Variants in LIN9 observed in about 807,000 individuals in gnomAD.
The protein encoded by LIN9 is lin-9 DREAM MuvB core complex component.
A neutral mutation model predicts 78.0 loss-of-function variants in LIN9; 18 were observed. The ratio of observed to expected loss-of-function variants is 0.23; its 90% CI spans 0.16 to 0.34. LIN9 has a LOEUF of 0.34. Among genes scored for constraint, LIN9 ranks in the 10% least tolerant of loss-of-function variants. The pLI is 1.00. For missense variants in LIN9, 451 were observed against 644.1 expected (o/e 0.70, Z 3.25); for synonymous variants, 192 against 215.2 (o/e 0.89, Z 0.94).
At chr1:226,295,635 T>C (rs1366463404) in intron 4 of LIN9, among the ~76,000 whole-genome samples, 1 of 152,146 alleles carries the variant, frequency 6.6e-6, no homozygotes, top group Non-Finnish European at 1.5e-5. Flanking sequence ...AAGTGTGCAT[T>C]TGTAGGACTA....
chr1:226,260,628 G>GTTTTTTTTTTTTTT (rs559460640), intron 10 of LIN9, among the ~76,000 whole-genome samples: 2 of 73,438 alleles, frequency 2.7e-5, no homozygotes, highest in East Asian at 4.2e-4. Context: ...GGCCAAATGA[G>GTTTTTTTTTTTTTT]TTTTTTTTTT....
intron 10 of LIN9, among the ~76,000 whole-genome samples, chr1:226,254,771 C>A (rs1659075599): frequency 6.6e-6 from 1 of 151,764 alleles, no homozygotes; most frequent in Non-Finnish European, 1.5e-5. Flanking sequence ...ATTAGCCGGG[C>A]GTAGTGGAGG....
chr1:226,233,217 T>C (rs1241742869), intron 13 of LIN9, 24 bp from the exon 14 acceptor site: 2 of 1,554,844 alleles, frequency 1.3e-6, no homozygotes, highest in Non-Finnish European at 1.8e-6. Flanking sequence ...AATTTCAAAA[T>C]TTAATTGCAT....
rs1486620797 is a variant in LIN9 at position 226,277,946 on chromosome 1, T to A, written c.525-14A>T. 6.3e-7 allele frequency: 1 copy of A among 1,592,668 alleles called. No individual in the cohort carries two copies. The highest frequency in any genetic ancestry group is 1.7e-5 in the Admixed American group (1 of 57,490). On this transcript the variant is annotated splice_polypyrimidine_tract_variant and intron_variant, in intron 6 of 14. Coordinates refer to ENST00000681046, the MANE Select transcript of LIN9 (RefSeq NM_001366245.2). Reference sequence around the variant, plus strand: ...GCAGAAGAACATCTAGAATAAATTATAAAAAACATACAAACTGATAACTAC... The same window carrying A: ...GCAGAAGAACATCTAGAATAAATTAAAAAAAACATACAAACTGATAACTAC...
chr1:226,308,458 C>CT (rs1430553514), intron 1 of LIN9, among the ~76,000 whole-genome samples: 1 of 152,156 alleles, frequency 6.6e-6, no homozygotes, highest in Admixed American at 6.5e-5. Context: ...TACCTGAACA[C>CT]TGAGTATCCG....
At chr1:226,286,663 G>C (rs1334446132) in intron 5 of LIN9, among the ~76,000 whole-genome samples, 1 of 152,178 alleles carries the variant, frequency 6.6e-6, no homozygotes, top group Non-Finnish European at 1.5e-5. Context: ...TATTTGTGTT[G>C]TGATTCCAAG....
At chr1:226,261,781 A>G (rs1459933019) in intron 10 of LIN9, among the ~76,000 whole-genome samples, 1 of 152,246 alleles carries the variant, frequency 6.6e-6, no homozygotes, top group Non-Finnish European at 1.5e-5. Flanking sequence ...TCTAAAGTCT[A>G]TATTGAAAGG....
intron 11 of LIN9, among the ~76,000 whole-genome samples, chr1:226,241,084 A>C (rs1415909900): frequency 6.6e-6 from 1 of 152,174 alleles, no homozygotes; most frequent in Non-Finnish European, 1.5e-5. Context: ...GGAGTAGGGA[A>C]GGGATAATTT....
chr1:226,282,097 G>GT (rs1661102916), intron 6 of LIN9, among the ~76,000 whole-genome samples: 1 of 152,106 alleles, frequency 6.6e-6, no homozygotes, highest in South Asian at 2.1e-4. Flanking sequence ...GCACTGTTGT[G>GT]TATTTTGCTT....
chr1:226,246,828 A>T (rs1183777285), intron 11 of LIN9, among the ~76,000 whole-genome samples: 1 of 151,804 alleles, frequency 6.6e-6, no homozygotes, highest in Non-Finnish European at 1.5e-5. Flanking sequence ...ATGTGTCTAA[A>T]AGTCACTATC....
chr1:226,281,096 A>G (rs1661021879), intron 6 of LIN9, among the ~76,000 whole-genome samples: 2 of 152,250 alleles, frequency 1.3e-5, no homozygotes, highest in Non-Finnish European at 2.9e-5. Flanking sequence ...ACAAAATATA[A>G]TGAAATCCTG....
chr1:226,278,801 G>A (rs1660830900), intron 6 of LIN9, among the ~76,000 whole-genome samples: 1 of 138,366 alleles, frequency 7.2e-6, no homozygotes, highest in Non-Finnish European at 1.5e-5. Flanking sequence ...TCCAGCCTGG[G>A]TGACAGAGTA....
intron 7 of LIN9, among the ~76,000 whole-genome samples, chr1:226,274,827 C>A (rs1660534613): frequency 6.6e-6 from 1 of 151,836 alleles, no homozygotes; most frequent in Non-Finnish European, 1.5e-5. Context: ...AATTCATTTT[C>A]TTTATCTGAA....
chr1:226,250,923 C>T lies in LIN9; in HGVS notation c.1039-4G>A, dbSNP rs371284594. The T allele has an allele frequency of 2.9e-5, 40 of 1,391,782 alleles. No homozygotes were observed. The highest frequency in any genetic ancestry group is 8.6e-5 in the African/African-American group (6 of 69,450). The allele number at this position is 1,391,782 out of a possible 1,614,324, so 86.2% of individuals were successfully genotyped here. A position where few individuals can be genotyped will look rare whatever the true frequency, so the allele number is the denominator to read the frequency against. On this transcript the variant is annotated splice_region_variant and splice_polypyrimidine_tract_variant and intron_variant, in intron 10 of 14. Coordinates refer to ENST00000681046, the MANE Select transcript of LIN9 (RefSeq NM_001366245.2). ...TGAGAATTTTTGATAATCTGGTCTA[C>T]AGACAAAGAAGAAATATTTTAGAAT...
chr1:226,267,586 G>A (rs1352845647), intron 8 of LIN9, among the ~76,000 whole-genome samples: 2 of 152,000 alleles, frequency 1.3e-5, no homozygotes, highest in Admixed American at 1.3e-4. Context: ...TAAAACAGGA[G>A]AACAAATAAG....
At chr1:226,261,402 A>C (rs969093698) in intron 10 of LIN9, among the ~76,000 whole-genome samples, 1 of 152,162 alleles carries the variant, frequency 6.6e-6, no homozygotes, top group African/African-American at 2.4e-5. Context: ...AATGAGAAAA[A>C]AAAAAAATCC....
rs758668175 is a variant in LIN9 at position 226,295,897 on chromosome 1, C to T, written c.209G>A (p.Arg70Lys). ...TTTAGGTGACCTTGTATTTATTTGC[C>T]TATCATCTTCATCAGAAAAAAGTCG... ...RSRLFSDEDD[R>K]QINTRSPKRN... The change falls in exon 4 of 15, where the codon AGG (arginine) becomes AAG (lysine). Residue 70 changes from arginine (R) to lysine (K), a missense_variant. Physicochemically the swap from Arg to Lys is conservative, Grantham distance 26. Coordinates refer to ENST00000681046, the MANE Select transcript of LIN9 (RefSeq NM_001366245.2). 16 of 1,613,472 alleles carry T rather than the reference C, an allele frequency of 9.9e-6. No homozygotes were observed. Among genetic ancestry groups the T allele is most frequent in the African/African-American group, 1.3e-5 (1 of 75,010 alleles).
intron 12 of LIN9, among the ~76,000 whole-genome samples, chr1:226,234,866 T>G (rs1657580653): frequency 6.6e-6 from 1 of 150,904 alleles, no homozygotes; most frequent in African/African-American, 2.4e-5. Flanking sequence ...TCTTCAACAG[T>G]GAGAAACCTG....
Position 226,309,126 on chromosome 1 carries a change from T to C in LIN9, c.14A>G (p.Asp5Gly), listed in dbSNP as rs1663121624. The change falls in exon 1 of 15, where the codon GAC becomes GGC. Residue 5 changes from aspartate (D) to glycine (G), a missense_variant. Physicochemically the swap from Asp to Gly is moderately conservative, Grantham distance 94. Coordinates refer to ENST00000681046, the MANE Select transcript of LIN9 (RefSeq NM_001366245.2). MAEL[D>G]QLPDESSSAK... ...CTACTCACTCTCGTCAGGCAACTGG[T>C]CGAGCTCCGCCATCTTGAACGAGCC... The C allele has an allele frequency of 3.7e-6, 5 of 1,343,890 alleles. No homozygotes were observed. Among genetic ancestry groups the C allele is most frequent in the Non-Finnish European group, 4.8e-6 (5 of 1,035,160 alleles). 83.2% of individuals were successfully genotyped at this position (1,343,890 alleles called of 1,614,324 possible).
Sources: gnomAD v4.1 joint callset for allele counts (sites outside exome capture counted in the v4.1 genomes callset) on GRCh38, gnomAD v4.1.1 for gene constraint, MANE v1.5 for transcripts, NCBI Gene and HGNC (gene_info 2026-07-23, HGNC 2026-07-21) for gene names.